The following PALLD variants were observed in gnomAD, a reference collection of about 807,000 sequenced individuals.
PALLD encodes the protein palladin, cytoskeletal associated protein.
A neutral mutation model predicts 123.5 loss-of-function variants in PALLD; 61 were observed. The ratio of observed to expected loss-of-function variants is 0.49; its 90% CI spans 0.40 to 0.61. The LOEUF is 0.61. Ranked by LOEUF, PALLD falls within the 20% of genes least tolerant of loss-of-function variation. The pLI is 0.00. For missense variants in PALLD, 1,273 were observed against 1,377.0 expected (o/e 0.92, Z 1.20); for synonymous variants, 465 against 496.4 (o/e 0.94, Z 0.84).
At chr4:168,680,094 G>A (rs1047145652) in intron 3 of PALLD, among the ~76,000 whole-genome samples, 7 of 152,098 alleles carry the variant, frequency 4.6e-5, no homozygotes, top group Non-Finnish European at 7.4e-5. Flanking sequence ...TCTACTGATA[G>A]GCAAAAGTAG....
In PALLD at chr4:168,711,722, A is replaced by C; in HGVS notation, c.1763A>C (p.Asn588Thr). The C allele has an allele frequency of 6.2e-7, 1 of 1,614,214 alleles. No individual in the cohort carries two copies. The highest frequency in any genetic ancestry group is 8.5e-7 in the Non-Finnish European group (1 of 1,180,024). Residue 588 changes from asparagine to threonine, a missense_variant, in exon 10 of 22, where the codon AAC becomes ACC. Coordinates refer to ENST00000505667, the MANE Select transcript of PALLD (RefSeq NM_001166108.2). ...AAACCATCTGAGATCCAGCAGGTGA[A>C]CAACCCTGAGTTAGGCCTGAGCAGG... ...SKKPSEIQQV[N>T]NPELGLSRAA...
At chr4:168,704,407 C>T (rs1314228601) in intron 8 of PALLD, among the ~76,000 whole-genome samples, 1 of 152,148 alleles carries the variant, frequency 6.6e-6, no homozygotes, top group East Asian at 1.9e-4. Context: ...CGCGGTGGCT[C>T]ACGCCTGTAA....
At chr4:168,571,456 A>G (rs1197226106) in intron 2 of PALLD, among the ~76,000 whole-genome samples, 1 of 152,190 alleles carries the variant, frequency 6.6e-6, no homozygotes, top group African/African-American at 2.4e-5. Flanking sequence ...CACAATTCTT[A>G]GGTTAGCTTA....
At chr4:168,712,008 T>C in intron 10 of PALLD, 85 bp downstream of exon 10, 1 of 1,188,224 alleles carries the variant, frequency 8.4e-7, no homozygotes, top group Non-Finnish European at 1.2e-6. Flanking sequence ...TTGCCTGTAT[T>C]CAACTATGTG....
In PALLD at chr4:168,511,911, G is replaced by A. The variant is rs1412288218; in HGVS notation, c.407G>A (p.Ser136Asn). The A allele has an allele frequency of 6.2e-7, 1 of 1,614,166 alleles. No homozygotes were observed. Among genetic ancestry groups the A allele is most frequent in the African/African-American group, 1.3e-5 (1 of 75,044 alleles). ...CTCACCAGGCCCAGCTACATCCGGA[G>A]CCTCCGAAAGGCTGAAAAGCGTGGT... is the stretch of plus-strand genomic sequence containing the variant. ...PLLTRPSYIR[S>N]LRKAEKRGAK... Residue 136 changes from serine to asparagine, a missense_variant, in exon 2 of 22, where the codon AGC becomes AAC. Ser to Asn is a conservative substitution (Grantham distance 46). Around this residue, in one of 2 missense-constraint regions of PALLD, gnomAD observed 944 missense variants for 954.5 expected, o/e 0.99. Transcript: ENST00000505667.
At chr4:168,794,769 A>G (rs1738244152) in intron 10 of PALLD, among the ~76,000 whole-genome samples, 1 of 152,220 alleles carries the variant, frequency 6.6e-6, no homozygotes, top group Non-Finnish European at 1.5e-5. Flanking sequence ...GCCATGTAAT[A>G]TCTTTAACCC....
At chr4:168,824,298 CTCT>C (rs1040157960) in intron 10 of PALLD, among the ~76,000 whole-genome samples, 12 of 151,758 alleles carry the variant, frequency 7.9e-5, no homozygotes, top group African/African-American at 2.7e-4. Context: ...TTTACCAATC[CTCT>C]TAAGTGAATA....
At position 168,898,666 on chromosome 4, in the gene PALLD, A is replaced by G; in HGVS notation, c.2424A>G (p.Gly808=). 1 of 1,614,174 alleles carries G rather than the reference A, an allele frequency of 6.2e-7. No individual in the cohort carries two copies. Among genetic ancestry groups the G allele is most frequent in the East Asian group, 2.2e-5 (1 of 44,884 alleles). The part of the protein sequence containing the change: ...MKLKHYKIFE[G]MPVTFTCRVA... The stretch of plus-strand genomic sequence containing the variant: ...TGAAACATTACAAGATCTTTGAGGG[A>G]ATGCCAGTAACTTTCACATGTAGAG... The change falls in exon 14 of 22, where the codon GGA becomes GGG. Residue 808 remains glycine, a synonymous_variant. Transcript: ENST00000505667.
intron 10 of PALLD, among the ~76,000 whole-genome samples, chr4:168,809,241 C>T (rs1740691343): frequency 6.6e-6 from 1 of 152,046 alleles, no homozygotes; most frequent in Non-Finnish European, 1.5e-5. Flanking sequence ...TGAGAAATTC[C>T]CTCAGGGTAA....
chr4:168,811,774 TCTCACACA>T (rs1445985083), intron 10 of PALLD, among the ~76,000 whole-genome samples: 22 of 109,504 alleles, frequency 2.0e-4, no homozygotes, highest in African/African-American at 6.5e-4. Context: ...TCTCTCTCTC[TCTCACACA>T]CACACACACA....
At chr4:168,677,485 A>G (rs1046151400) in intron 3 of PALLD, among the ~76,000 whole-genome samples, 5 of 152,158 alleles carry the variant, frequency 3.3e-5, no homozygotes, top group East Asian at 1.9e-4. Flanking sequence ...ATGGCTTTCT[A>G]AAGAGAGGTC....
At chr4:168,534,806 T>C (rs1764940628) in intron 2 of PALLD, among the ~76,000 whole-genome samples, 1 of 152,218 alleles carries the variant, frequency 6.6e-6, no homozygotes, top group Non-Finnish European at 1.5e-5. Flanking sequence ...CTATAGCTAC[T>C]AGAACAGTTT....
chr4:168,771,867 T>A (rs1032370910), intron 10 of PALLD, among the ~76,000 whole-genome samples: 1 of 152,320 alleles, frequency 6.6e-6, no homozygotes, highest in East Asian at 1.9e-4. Flanking sequence ...AGCAGCGGCA[T>A]GTCGTTGTCA....
chr4:168,816,404 T>TATAG (rs1741933992), intron 10 of PALLD, among the ~76,000 whole-genome samples: 1 of 137,696 alleles, frequency 7.3e-6, no homozygotes, highest in Non-Finnish European at 1.5e-5. Flanking sequence ...TATATATATA[T>TATAG]ATATATATAT....
At chr4:168,761,564 G>A (rs1421357174) in intron 10 of PALLD, among the ~76,000 whole-genome samples, 1 of 149,522 alleles carries the variant, frequency 6.7e-6, no homozygotes, top group Non-Finnish European at 1.5e-5. Context: ...GGGCTCAAGC[G>A]ATTCTCCTGC....
intron 2 of PALLD, among the ~76,000 whole-genome samples, chr4:168,549,036 GA>G (rs903065590): frequency 2.7e-5 from 4 of 149,326 alleles, no homozygotes; most frequent in African/African-American, 7.4e-5. Context: ...AAGAAAGAAA[GA>G]AAAAAAAATT....
At chr4:168,848,172 C>T (rs996189740) in intron 10 of PALLD, among the ~76,000 whole-genome samples, 1 of 139,860 alleles carries the variant, frequency 7.2e-6, no homozygotes, top group Non-Finnish European at 1.5e-5. Flanking sequence ...CCACCCCACC[C>T]CACCCCTGGG....
chr4:168,598,166 T>G lies in PALLD; in HGVS notation c.909-70024T>G, dbSNP rs1021575573. ...ATAGCAATAGGCAATACACCCTGTATCTGTAAAACTTTGGAACCACTGGCT... is the reference window on the plus strand; with the variant it reads ...ATAGCAATAGGCAATACACCCTGTAGCTGTAAAACTTTGGAACCACTGGCT... On this transcript the variant is annotated intron_variant, in intron 2 of 21. Coordinates refer to ENST00000505667, the MANE Select transcript of PALLD (RefSeq NM_001166108.2). 1.5e-5 allele frequency: 4 copies of G among 271,260 alleles called. No homozygotes were observed. The South Asian group carries it at 1.8e-4, about 12-fold the overall frequency. 16.8% of individuals were successfully genotyped at this position (271,260 alleles called of 1,614,324 possible).
At chr4:168,815,444 G>T (rs1479476278) in intron 10 of PALLD, among the ~76,000 whole-genome samples, 2 of 152,218 alleles carry the variant, frequency 1.3e-5, no homozygotes, top group African/African-American at 4.8e-5. Context: ...ATCCAAGAAG[G>T]ATTTGAGTCT....
Sources: gnomAD v4.1 joint callset for allele counts (sites outside exome capture counted in the v4.1 genomes callset) on GRCh38, gnomAD v4.1.1 for gene constraint, gnomAD v4.1.1 regional missense constraint, MANE v1.5 for transcripts, NCBI Gene and HGNC (gene_info 2026-07-23, HGNC 2026-07-21) for gene names.